MAN1C1: variants seen among roughly 807,000 people sequenced by gnomAD.
The protein encoded by MAN1C1 is mannosidase alpha class 1C member 1, also known as mannosyl-oligosaccharide 1,2-alpha-mannosidase IC.
A neutral mutation model predicts 71.5 loss-of-function variants in MAN1C1; 49 were observed. The ratio of observed to expected loss-of-function variants is 0.69; its 90% CI spans 0.54 to 0.87. The LOEUF (loss-of-function observed/expected upper bound fraction) is 0.87, where lower values mean the gene tolerates loss of function less well. MAN1C1 is among the 40% of genes least tolerant of loss of function. The pLI is 0.00. For synonymous variants in MAN1C1, 352 were observed against 343.7 expected (o/e 1.02, Z -0.27); for missense variants, 743 against 835.0 (o/e 0.89, Z 1.36).
At chr1:25,772,692 G>A (rs2047570172) in intron 8 of MAN1C1, among the ~76,000 whole-genome samples, 1 of 152,070 alleles carries the variant, frequency 6.6e-6, no homozygotes, top group Non-Finnish European at 1.5e-5. Context: ...AGAAGAGCTG[G>A]ACACGCACAT....
At chr1:25,695,624 C>G (rs1158958895) in intron 2 of MAN1C1, among the ~76,000 whole-genome samples, 1 of 152,256 alleles carries the variant, frequency 6.6e-6, no homozygotes, top group African/African-American at 2.4e-5. Context: ...GCTCCACACT[C>G]TGCGCTTTCC....
chr1:25,728,596 C>T (rs1340429639), intron 2 of MAN1C1, among the ~76,000 whole-genome samples: 2 of 152,158 alleles, frequency 1.3e-5, no homozygotes, highest in Non-Finnish European at 2.9e-5. Context: ...GACTCAGGCA[C>T]TCAGGGTGAT....
At chr1:25,636,902 C>T (rs916686061) in intron 1 of MAN1C1, among the ~76,000 whole-genome samples, 2 of 152,192 alleles carry the variant, frequency 1.3e-5, no homozygotes, top group African/African-American at 4.8e-5. Context: ...TGCCTGTAAT[C>T]CCAGTACTTT....
At chr1:25,675,584 CGG>C (rs61385512) in intron 1 of MAN1C1, among the ~76,000 whole-genome samples, 1,654 of 56,420 alleles carry the variant, frequency 0.029, 59 homozygotes, top group African/African-American at 0.069. Context: ...ACTTATTTTG[CGG>C]GGGGGGGGGG....
chr1:25,663,999 T>C (rs930132393), intron 1 of MAN1C1, among the ~76,000 whole-genome samples: 1 of 152,246 alleles, frequency 6.6e-6, no homozygotes, highest in African/African-American at 2.4e-5. Flanking sequence ...TTCCTGAGGC[T>C]GGTAGGGTTC....
chr1:25,687,186 C>T (rs972958407), intron 2 of MAN1C1, among the ~76,000 whole-genome samples: 6 of 152,182 alleles, frequency 3.9e-5, no homozygotes, highest in African/African-American at 1.2e-4. Flanking sequence ...GTGGAGCAGC[C>T]GCACATCAGG....
intron 1 of MAN1C1, among the ~76,000 whole-genome samples, chr1:25,673,721 G>A (rs931167530): frequency 1.3e-5 from 2 of 152,100 alleles, no homozygotes; most frequent in Admixed American, 6.5e-5. Context: ...TGGTGAAAAC[G>A]GCATGTGCAC....
chr1:25,767,897 CAT>C (rs1313838536), intron 7 of MAN1C1, among the ~76,000 whole-genome samples: 1 of 119,382 alleles, frequency 8.4e-6, no homozygotes, highest in South Asian at 3.0e-4. Flanking sequence ...ACACTCCCCT[CAT>C]ACACACACAT....
chr1:25,627,734 GA>G (rs1395247269), intron 1 of MAN1C1, among the ~76,000 whole-genome samples: 2 of 151,980 alleles, frequency 1.3e-5, no homozygotes, highest in Non-Finnish European at 2.9e-5. Context: ...CACTTTCCAT[GA>G]AAAATCTTGC....
chr1:25,776,964 C>T lies in MAN1C1; in HGVS notation c.1258-1141C>T, dbSNP rs2047627014. Among the ~76,000 whole-genome samples, 1 of 152,166 alleles carries T rather than the reference C, an allele frequency of 6.6e-6. No individual in the cohort carries two copies. Among genetic ancestry groups the T allele is most frequent in the Non-Finnish European group, 1.5e-5 (1 of 68,032 alleles). On this transcript the variant is annotated intron_variant, in intron 8 of 11. Coordinates refer to ENST00000374332, the MANE Select transcript of MAN1C1 (RefSeq NM_020379.4). The surrounding 1 kb of genome is among the most constrained non-coding windows in gnomAD (Gnocchi z 4.3). ...TTAGGAAACTGAGGCACAGAGAGAACATACAACCTGCCCAGTGTCACACAG... is the reference window on the plus strand; with the variant it reads ...TTAGGAAACTGAGGCACAGAGAGAATATACAACCTGCCCAGTGTCACACAG...
At chr1:25,691,568 G>C (rs1464091962) in intron 2 of MAN1C1, among the ~76,000 whole-genome samples, 1 of 152,228 alleles carries the variant, frequency 6.6e-6, no homozygotes, top group Non-Finnish European at 1.5e-5. Flanking sequence ...CGTCAGCTGC[G>C]ATGAGGATGC....
Position 25,625,528 on chromosome 1 carries a change from G to T in MAN1C1, c.540+7191G>T, listed in dbSNP as rs1301956142. Among the ~76,000 whole-genome samples, 2 of 152,126 alleles carry T rather than the reference G, an allele frequency of 1.3e-5. 1 individual carries two copies. The highest frequency in any genetic ancestry group is 4.1e-4 in the South Asian group (2 of 4,826). ...TGTTCTAGAACTTCAGAAAAATGGA[G>T]TAGTAAGCCAGGTACAATGGCTCAT... On this transcript the variant is annotated intron_variant, in intron 1 of 11. Transcript: ENST00000374332.
At chr1:25,700,728 A>G (rs1255910759) in intron 2 of MAN1C1, among the ~76,000 whole-genome samples, 1 of 152,252 alleles carries the variant, frequency 6.6e-6, no homozygotes, top group African/African-American at 2.4e-5. Flanking sequence ...TAGAATTTGA[A>G]TGGAGGCTGG....
chr1:25,763,622 C>T (rs2047389980), intron 6 of MAN1C1: 1 of 498,026 alleles, frequency 2.0e-6, no homozygotes. Context: ...TGAGACTGTC[C>T]AGGTGCCAGG....
intron 6 of MAN1C1, chr1:25,760,550 G>T (rs900566810): frequency 2.0e-5 from 3 of 152,190 alleles, no homozygotes; most frequent in African/African-American, 7.2e-5. Context: ...AGCTAATTTG[G>T]CCTGCTTCAC....
intron 1 of MAN1C1, among the ~76,000 whole-genome samples, chr1:25,638,891 T>G (rs1373459751): frequency 6.6e-6 from 1 of 152,146 alleles, no homozygotes; most frequent in Non-Finnish European, 1.5e-5. Flanking sequence ...TTATTTTGTC[T>G]GTGGATTGAT....
intron 7 of MAN1C1, among the ~76,000 whole-genome samples, chr1:25,768,525 T>C (rs1251898283): frequency 1.7e-5 from 1 of 60,550 alleles, no homozygotes; most frequent in Non-Finnish European, 3.1e-5. Flanking sequence ...CTCACATACA[T>C]CCACACTCCC....
chr1:25,779,005 C>A lies in MAN1C1; in HGVS notation c.1477+681C>A, dbSNP rs1314448195. Among the ~76,000 whole-genome samples the A allele has an allele frequency of 6.6e-6, 1 of 152,108 alleles. No individual in the cohort carries two copies. Among genetic ancestry groups the A allele is most frequent in the Non-Finnish European group, 1.5e-5 (1 of 68,028 alleles). ...GTCACACTGCACATGAGGAATTGAT[C>A]CTGGGCTGGAACCCAGGCCTTCTGA... On this transcript the variant is annotated intron_variant, in intron 9 of 11. Coordinates refer to ENST00000374332, the MANE Select transcript of MAN1C1 (RefSeq NM_020379.4). The surrounding 1 kb of genome is among the most constrained non-coding windows in gnomAD (Gnocchi z 4.6).
At chr1:25,761,585 C>T (rs1302430007) in intron 6 of MAN1C1, 1 of 148,340 alleles carries the variant, frequency 6.7e-6, no homozygotes, top group Non-Finnish European at 1.5e-5. Flanking sequence ...CTCCCCAACC[C>T]TTGGTAACCA....
Sources: allele counts gnomAD v4.1 joint callset (sites outside exome capture counted in the v4.1 genomes callset), GRCh38; gene constraint gnomAD v4.1.1; non-coding constraint Gnocchi (gnomAD v3.1); transcripts MANE v1.5; gene names NCBI Gene and HGNC (gene_info 2026-07-23, HGNC 2026-07-21).